CELA3B: variants seen among roughly 807,000 people sequenced by gnomAD.
CELA3B encodes chymotrypsin like elastase 3B, also known as chymotrypsin-like elastase family member 3B.
Under a neutral mutation model 37.2 loss-of-function variants are expected in CELA3B, and 34 were observed. The observed-to-expected ratio is 0.91, with a 90% CI of 0.70 to 1.22. CELA3B has a LOEUF of 1.22. CELA3B is among the 50% of genes most tolerant of loss of function. The pLI, the probability that CELA3B is intolerant of heterozygous loss-of-function variation, is 0.00. For synonymous variants in CELA3B, 127 were observed against 143.5 expected (o/e 0.89, Z 0.82); for missense variants, 340 against 363.1 (o/e 0.94, Z 0.52).
At chr1:21,983,557 G>GATC in intron 4 of CELA3B, 137 bp from the exon 5 acceptor site, 2 of 1,351,274 alleles carry the variant, frequency 1.5e-6, no homozygotes, top group Non-Finnish European at 2.0e-6. Context: ...TAATGATGAT[G>GATC]ATGATGATGA....
At chr1:21,981,013 A>T (rs201396992) in intron 3 of CELA3B, 25 bp from the exon 4 acceptor site, 10 of 1,614,102 alleles carry the variant, frequency 6.2e-6, no homozygotes, top group East Asian at 2.2e-5. Context: ...AGTCAGGCCC[A>T]GACTGACCTC....
At chr1:21,994,731 G>A (rs1436266637) in intron 4 of CELA3B, among the ~76,000 whole-genome samples, 1 of 151,030 alleles carries the variant, frequency 6.6e-6, no homozygotes, top group Non-Finnish European at 1.5e-5. Context: ...CAGGCATGGT[G>A]GCTCAGATCT....
chr1:21,987,153 GA>G (rs56302995), intron 7 of CELA3B: 187,070 of 222,816 alleles, frequency 0.84, 79,281 homozygotes, highest in Admixed American at 0.88. Context: ...AAAAAAAAAA[GA>G]AAAAAAAAAA....
chr1:21,994,976 T>C (rs1569856326), intron 4 of CELA3B, among the ~76,000 whole-genome samples: 1 of 113,188 alleles, frequency 8.8e-6, no homozygotes, highest in Non-Finnish European at 1.7e-5. Context: ...CACCCCAGCC[T>C]GGGCGACAGA....
rs776040073 is a variant in CELA3B, at chr1:21,981,033, C to T, written c.228-5C>T. 66 of 1,613,918 alleles carry T rather than the reference C, an allele frequency of 4.1e-5. No individual in the cohort carries two copies. The highest frequency in any genetic ancestry group is 1.5e-4 in the African/African-American group (11 of 74,912). On this transcript the variant is annotated splice_region_variant and splice_polypyrimidine_tract_variant and intron_variant, in intron 3 of 7. Coordinates refer to ENST00000337107, the MANE Select transcript of CELA3B (RefSeq NM_007352.4). ...GGCCCAGACTGACCTCACCTCCGCC[C>T]GCAGGAGCTCCCGGACCTACCAGGT...
chr1:21,981,326 T>C (rs1331070926), intron 4 of CELA3B, among the ~76,000 whole-genome samples, 154 bp downstream of exon 4: 2 of 98,066 alleles, frequency 2.0e-5, no homozygotes, highest in African/African-American at 3.5e-5. Context: ...ACACTGAGGA[T>C]TGAAGCCAGA....
chr1:21,994,831 C>T (rs1393946857), intron 4 of CELA3B, among the ~76,000 whole-genome samples: 2 of 150,162 alleles, frequency 1.3e-5, no homozygotes, highest in Admixed American at 6.6e-5. Flanking sequence ...GAAACCTTCT[C>T]TCTACAAAAA....
intron 6 of CELA3B, among the ~76,000 whole-genome samples, chr1:21,985,050 C>T (rs967910744): frequency 2.6e-5 from 4 of 151,870 alleles, no homozygotes; most frequent in South Asian, 2.1e-4. Context: ...GAGGCTGAGG[C>T]GGGAGGATTG....
intron 4 of CELA3B, 44 bp downstream of exon 4, chr1:21,981,216 A>G (rs201648589): frequency 0.026 from 41,557 of 1,596,078 alleles, 1,159 homozygotes; most frequent in East Asian, 0.14. Context: ...TCCTCTACTC[A>G]TCCCTCCATG....
chr1:21,980,515 T>G (rs1339427182), intron 2 of CELA3B, among the ~76,000 whole-genome samples: 2 of 150,722 alleles, frequency 1.3e-5, no homozygotes, highest in African/African-American at 4.9e-5. Flanking sequence ...GGGTGCGTGA[T>G]AGAACAGAGG....
At chr1:21,982,005 A>G (rs145249052) in intron 4 of CELA3B, among the ~76,000 whole-genome samples, 3,413 of 152,178 alleles carry the variant, frequency 0.022, 52 homozygotes, top group Admixed American at 0.058. Flanking sequence ...GATTACAGGC[A>G]TGAGCCACCG....
intron 4 of CELA3B, among the ~76,000 whole-genome samples, 185 bp downstream of exon 4, chr1:21,981,357 C>G (rs1421873211): frequency 7.0e-6 from 1 of 143,170 alleles, no homozygotes; most frequent in African/African-American, 2.6e-5. Context: ...AGGACCATCA[C>G]CACCAAACCT....
At position 21,986,559 on chromosome 1, in the gene CELA3B, C is replaced by A; in HGVS notation, c.671C>A (p.Pro224His). Reference sequence around the variant, plus strand: ...GACTCTGGAGGACCCCTCAACTGCCCCACAGAGGATGGTGGCTGGCAGGTC... The same window carrying A: ...GACTCTGGAGGACCCCTCAACTGCCACACAGAGGATGGTGGCTGGCAGGTC... ...NGDSGGPLNCPTEDGGWQVHG... is the reference protein window; with the variant it reads ...NGDSGGPLNCHTEDGGWQVHG... The change falls in exon 7 of 8, where the codon CCC becomes CAC. Residue 224 changes from proline to histidine, a missense_variant. Pro to His is a moderately conservative substitution (Grantham distance 77). Transcript: ENST00000337107. 6.2e-7 allele frequency: 1 copy of A among 1,614,082 alleles called. No homozygotes were observed. Among genetic ancestry groups the A allele is most frequent in the Non-Finnish European group, 8.5e-7 (1 of 1,180,004 alleles).
chr1:21,980,502 G>C (rs1021080046), intron 2 of CELA3B, among the ~76,000 whole-genome samples: 1 of 151,450 alleles, frequency 6.6e-6, no homozygotes, highest in Non-Finnish European at 1.5e-5. Context: ...GTCACAGGGC[G>C]AGGGGTGCGT....
At chr1:21,987,346 G>A (rs932297209) in intron 7 of CELA3B, 12 of 203,164 alleles carry the variant, frequency 5.9e-5, no homozygotes, top group East Asian at 4.5e-4. Flanking sequence ...CCAGCTGCTC[G>A]GGAGGCTGAG....
chr1:21,991,423 C>A (rs188769258), downstream of CELA3B, among the ~76,000 whole-genome samples: 325 of 149,700 alleles, frequency 2.2e-3, 14 homozygotes, highest in African/African-American at 7.8e-3. Flanking sequence ...GCAACCTCTG[C>A]CTCCCGGGTT....
chr1:21,986,282 A>T (rs527908492), intron 6 of CELA3B, among the ~76,000 whole-genome samples: 24 of 151,862 alleles, frequency 1.6e-4, no homozygotes, highest in East Asian at 3.9e-4. Flanking sequence ...AGCAGGAGAA[A>T]CACTTGAACC....
chr1:21,983,567 A>ATG, intron 4 of CELA3B, 127 bp from the exon 5 acceptor site: 8 of 1,402,768 alleles, frequency 5.7e-6, no homozygotes, highest in East Asian at 2.4e-5. Flanking sequence ...GATGATGATG[A>ATG]AAGAGTGGAT....
In CELA3B at chr1:21,982,301, G is replaced by A. The variant is rs546665283; in HGVS notation, c.362+1129G>A. Among the ~76,000 whole-genome samples the A allele has an allele frequency of 2.0e-5, 3 of 152,104 alleles. No homozygotes were observed. The East Asian group carries it at 5.8e-4, about 30-fold the overall frequency. On this transcript the variant is annotated intron_variant, in intron 4 of 7. Transcript: ENST00000337107. The stretch of plus-strand genomic sequence containing the variant: ...GGGCTGGCAGTATCAGCATCACCTG[G>A]GAACCTGCAGCAATGTGAATTATTG...
Sources: allele counts gnomAD v4.1 joint callset (sites outside exome capture counted in the v4.1 genomes callset), GRCh38; gene constraint gnomAD v4.1.1; transcripts MANE v1.5; gene names NCBI Gene and HGNC (gene_info 2026-07-23, HGNC 2026-07-21).